The following CPAP variants were observed in gnomAD, a reference collection of about 807,000 sequenced individuals.
CPAP encodes centrosome assembly and centriole elongation protein.
At chr13:24,890,098 A>T in the CPAP span, among the ~76,000 whole-genome samples, 2 of 152,224 alleles carry the variant, frequency 1.3e-5, no homozygotes, top group African/African-American at 4.8e-5. Flanking sequence ...TCTACAAAGC[A>T]ATCAGCCTGG....
the CPAP span, chr13:24,912,074 T>C: frequency 6.2e-7 from 1 of 1,612,748 alleles, no homozygotes; most frequent in Non-Finnish European, 8.5e-7. Context: ...TTTCAGCTTT[T>C]TAAATACAAA....
chr13:24,892,421 G>A, the CPAP span, among the ~76,000 whole-genome samples: 2 of 152,178 alleles, frequency 1.3e-5, no homozygotes, highest in African/African-American at 4.8e-5. Flanking sequence ...GCACACTTCA[G>A]TGGCATTAAG....
the CPAP span, among the ~76,000 whole-genome samples, chr13:24,926,772 C>A: frequency 6.6e-6 from 1 of 152,280 alleles, no homozygotes; most frequent in East Asian, 1.9e-4. Context: ...GATGCAAGAT[C>A]AACACGGCAA....
At chr13:24,925,580 A>G in the CPAP span, among the ~76,000 whole-genome samples, 22 of 152,328 alleles carry the variant, frequency 1.4e-4, no homozygotes, top group African/African-American at 5.3e-4. Flanking sequence ...AGCCAGGGCA[A>G]CAGAGTGAAA....
At chr13:24,904,690 TC>T in the CPAP span, among the ~76,000 whole-genome samples, 1 of 152,234 alleles carries the variant, frequency 6.6e-6, no homozygotes, top group Non-Finnish European at 1.5e-5. Flanking sequence ...TATTTTTGCT[TC>T]TATGCTTTTT....
the CPAP span, among the ~76,000 whole-genome samples, chr13:24,925,350 A>G: frequency 2.0e-5 from 3 of 152,218 alleles, no homozygotes; most frequent in Admixed American, 2.0e-4. Flanking sequence ...GTCTGATGGT[A>G]GCAAGTGTCC....
At chr13:24,920,132 A>G in the CPAP span, among the ~76,000 whole-genome samples, 1 of 152,318 alleles carries the variant, frequency 6.6e-6, no homozygotes, top group Non-Finnish European at 1.5e-5. Context: ...ATCTGAATTT[A>G]ATGGGATTTT....
the CPAP span, chr13:24,885,807 C>G: frequency 2.9e-6 from 2 of 695,930 alleles, no homozygotes; most frequent in Non-Finnish European, 5.1e-6. Context: ...TAATATTTTT[C>G]TTTACTAATT....
chr13:24,898,951 T>G, the CPAP span, among the ~76,000 whole-genome samples: 1 of 152,254 alleles, frequency 6.6e-6, no homozygotes, highest in Admixed American at 6.5e-5. Flanking sequence ...TATTTTTTTC[T>G]AGAAGGTTTA....
At chr13:24,903,853 C>G in the CPAP span, 1 of 1,420,054 alleles carries the variant, frequency 7.0e-7, no homozygotes, top group East Asian at 2.3e-5. Context: ...TTGTTTCAGA[C>G]TGTTTATAGA....
chr13:24,906,642 T>C, the CPAP span: 1 of 1,614,224 alleles, frequency 6.2e-7, no homozygotes, highest in East Asian at 2.2e-5. Flanking sequence ...GAAAGACTTT[T>C]CCTGTTACTA....
the CPAP span, among the ~76,000 whole-genome samples, chr13:24,913,485 G>C: frequency 1.3e-5 from 2 of 151,912 alleles, no homozygotes; most frequent in African/African-American, 2.4e-5. Flanking sequence ...CCCAGTTGGT[G>C]AACCTGTTTT....
the CPAP span, chr13:24,899,661 G>A: frequency 9.4e-7 from 1 of 1,069,306 alleles, no homozygotes; most frequent in South Asian, 1.3e-5. Flanking sequence ...TGACAGGCTA[G>A]TAACTGCTAG....
the CPAP span, among the ~76,000 whole-genome samples, chr13:24,924,055 G>A: frequency 1.3e-5 from 2 of 152,006 alleles, no homozygotes; most frequent in Admixed American, 6.5e-5. Context: ...GGATGGTCTT[G>A]ATCTTCTGAC....
At chr13:24,922,093 C>T in the CPAP span, among the ~76,000 whole-genome samples, 1 of 152,036 alleles carries the variant, frequency 6.6e-6, no homozygotes, top group African/African-American at 2.4e-5. Context: ...TAAACATGTG[C>T]CATTTTTATT....
chr13:24,894,788 G>T, the CPAP span, among the ~76,000 whole-genome samples: 2 of 152,090 alleles, frequency 1.3e-5, no homozygotes, highest in Admixed American at 1.3e-4. Flanking sequence ...ACGCCCTCGG[G>T]GTGCAAAGGG....
At chr13:24,910,085 A>G in the CPAP span, 21 of 1,611,382 alleles carry the variant, frequency 1.3e-5, no homozygotes, top group Middle Eastern at 2.0e-4. Context: ...GTAAACTCAA[A>G]CCTTACAATT....
chr13:24,905,263 A>G, the CPAP span: 4 of 1,299,248 alleles, frequency 3.1e-6, no homozygotes, highest in Non-Finnish European at 4.4e-6. Context: ...AAGGAAAGTT[A>G]GGATTTTAAG....
the CPAP span, among the ~76,000 whole-genome samples, chr13:24,923,061 C>T: frequency 6.6e-6 from 1 of 152,206 alleles, no homozygotes; most frequent in Non-Finnish European, 1.5e-5. Flanking sequence ...CGTGGCGGGG[C>T]GGAAAACCGT....
Sources: gnomAD v4.1 joint callset for allele counts (sites outside exome capture counted in the v4.1 genomes callset) on GRCh38, gnomAD v4.1.1 for gene constraint, MANE v1.5 for transcripts, NCBI Gene and HGNC (gene_info 2026-07-23, HGNC 2026-07-21) for gene names.